The following PCBP3 variants were observed in gnomAD, a reference collection of about 807,000 sequenced individuals.
The protein encoded by PCBP3 is poly(rC) binding protein 3.
A neutral mutation model predicts 52.7 loss-of-function variants in PCBP3; 25 were observed. That is an observed-to-expected ratio of 0.47 (90% CI 0.35 to 0.66). PCBP3 has a LOEUF of 0.66. Ranked by LOEUF, PCBP3 falls within the 30% of genes least tolerant of loss-of-function variation. The pLI, the probability that PCBP3 is intolerant of heterozygous loss-of-function variation, is 0.01. For missense variants in PCBP3, 391 were observed against 490.3 expected, an observed-to-expected ratio of 0.80 and a Z score of 1.91; for synonymous variants, 162 against 183.0, an observed-to-expected ratio of 0.89 and a Z score of 0.93.
At chr21:45,689,902 C>G (rs2082362678) in intron 2 of PCBP3, among the ~76,000 whole-genome samples, 1 of 152,048 alleles carries the variant, frequency 6.6e-6, no homozygotes, top group African/African-American at 2.4e-5. Flanking sequence ...TGTGCACTGA[C>G]TGGAAGACTC....
At chr21:45,815,872 G>T in intron 4 of PCBP3, among the ~76,000 whole-genome samples, 1 of 118,714 alleles carries the variant, frequency 8.4e-6, no homozygotes, top group East Asian at 3.0e-4. Context: ...TGGTGAGTCA[G>T]TGGTGAGTGG....
intron 1 of PCBP3, among the ~76,000 whole-genome samples, chr21:45,644,801 T>A (rs1254221109): frequency 5.9e-5 from 9 of 152,202 alleles, no homozygotes; most frequent in Non-Finnish European, 4.4e-5. Flanking sequence ...ACTGGGCAAC[T>A]TATAGACTCC....
At chr21:45,733,831 C>T (rs571009055) in intron 2 of PCBP3, among the ~76,000 whole-genome samples, 59 of 152,270 alleles carry the variant, frequency 3.9e-4, no homozygotes, top group African/African-American at 1.3e-3. Flanking sequence ...GAACTCCTGA[C>T]CTCGAGTGAT....
rs183410994 is a variant in PCBP3 at position 45,901,400 on chromosome 21, G to A, written c.339+287G>A. The stretch of plus-strand genomic sequence containing the variant: ...GACCCTGCCCTGGGGCACCGAGCAC[G>A]GCCTCAGAACACCCCACCCTTCCCC... On this transcript the variant is annotated intron_variant, in intron 9 of 17. Transcript: ENST00000681687. The A allele has an allele frequency of 1.4e-4, 53 of 377,510 alleles. No individual in the cohort carries two copies. The Admixed American group carries it at 1.7e-3, about 12-fold the overall frequency. The allele number at this position is 377,510 out of a possible 1,614,324, so 23.4% of individuals were successfully genotyped here. A position where few individuals can be genotyped will look rare whatever the true frequency, so the allele number is the denominator to read the frequency against.
chr21:45,857,511 C>G (rs955154445), intron 5 of PCBP3, among the ~76,000 whole-genome samples: 2 of 152,168 alleles, frequency 1.3e-5, no homozygotes, highest in African/African-American at 4.8e-5. Context: ...TATAAATTAC[C>G]CAGCCTCAGG....
chr21:45,674,906 G>T (rs2081373612), intron 2 of PCBP3, among the ~76,000 whole-genome samples: 2 of 152,088 alleles, frequency 1.3e-5, no homozygotes, highest in Admixed American at 1.3e-4. Flanking sequence ...TGGCTCAGTT[G>T]GATATCCACA....
At position 45,821,702 on chromosome 21, in the gene PCBP3, C is replaced by T. The variant is rs1047428245; in HGVS notation, c.-125-28259C>T. Among the ~76,000 whole-genome samples, 2 of 152,170 alleles carry T rather than the reference C, an allele frequency of 1.3e-5. No homozygotes were observed. Among genetic ancestry groups the T allele is most frequent in the South Asian group, 2.1e-4 (1 of 4,830 alleles). The stretch of plus-strand genomic sequence containing the variant: ...GACATGTTGCAGCCTGTCTCTGCTC[C>T]CTTCCCTGCTCTTGTCACTTCTTGC... On this transcript the variant is annotated intron_variant, in intron 4 of 17. Transcript: ENST00000681687. The surrounding 1 kb of genome is among the most constrained non-coding windows in gnomAD (Gnocchi z 4.4).
intron 2 of PCBP3, among the ~76,000 whole-genome samples, chr21:45,716,515 G>T (rs769784535): frequency 6.6e-6 from 1 of 152,164 alleles, no homozygotes; most frequent in Admixed American, 6.5e-5. Flanking sequence ...GTTTGGAGAT[G>T]ACATCTTCTT....
At chr21:45,860,119 T>G (rs1017341445) in intron 5 of PCBP3, among the ~76,000 whole-genome samples, 1 of 152,130 alleles carries the variant, frequency 6.6e-6, no homozygotes, top group African/African-American at 2.4e-5. Context: ...AACCGAAGGC[T>G]CCAGCACGCA....
At chr21:45,894,091 G>C in intron 5 of PCBP3, 1 of 933,692 alleles carries the variant, frequency 1.1e-6, no homozygotes, top group Non-Finnish European at 1.3e-6. Context: ...CTGCAGCTCT[G>C]GGAGCTGCTG....
intron 4 of PCBP3, among the ~76,000 whole-genome samples, chr21:45,816,040 G>A (rs534966323): frequency 6.9e-6 from 1 of 144,036 alleles, no homozygotes; most frequent in Admixed American, 6.8e-5. Flanking sequence ...TGAGTGGTGA[G>A]TGAGTGGTGA....
chr21:45,884,719 C>G (rs1450857814), intron 5 of PCBP3, among the ~76,000 whole-genome samples: 1 of 152,128 alleles, frequency 6.6e-6, no homozygotes, highest in Non-Finnish European at 1.5e-5. Context: ...CACCACCACA[C>G]CCAGCTAATT....
chr21:45,682,357 A>G (rs998995076), intron 2 of PCBP3, among the ~76,000 whole-genome samples: 2 of 152,108 alleles, frequency 1.3e-5, no homozygotes, highest in Non-Finnish European at 2.9e-5. Flanking sequence ...CAGTGTTTTC[A>G]ATTATGCTTA....
chr21:45,899,853 C>T (rs979153643), intron 7 of PCBP3, among the ~76,000 whole-genome samples: 1 of 152,176 alleles, frequency 6.6e-6, no homozygotes, highest in African/African-American at 2.4e-5. Flanking sequence ...TCCAGCTGGT[C>T]ACCTCGCTGC....
Position 45,917,384 on chromosome 21 carries a change from C to T in PCBP3, c.676-204C>T, listed in dbSNP as rs906083160. On this transcript the variant is annotated intron_variant, in intron 12 of 17. Transcript: ENST00000681687. This position sits in a 1 kb window ranked among gnomAD's most constrained non-coding sequence, Gnocchi z 5.3. Reference sequence around the variant, plus strand: ...CTGAACTGGCCAGCTCAGCTCTGCCCGCCCAGAGGAAGTGGGTGCGGCTCC... The same window carrying T: ...CTGAACTGGCCAGCTCAGCTCTGCCTGCCCAGAGGAAGTGGGTGCGGCTCC... 9.1e-5 allele frequency: 46 copies of T among 503,458 alleles called. No individual in the cohort carries two copies. The highest frequency in any genetic ancestry group is 6.9e-4 in the East Asian group (20 of 28,972). 31.2% of individuals were successfully genotyped at this position (503,458 alleles called of 1,614,324 possible).
At chr21:45,700,943 T>A (rs2083086517) in intron 2 of PCBP3, among the ~76,000 whole-genome samples, 1 of 152,092 alleles carries the variant, frequency 6.6e-6, no homozygotes, top group South Asian at 2.1e-4. Flanking sequence ...GAGCGAAAAA[T>A]CATCTGCAGT....
chr21:45,941,913 C>T lies in PCBP3; in HGVS notation c.*207C>T. ...CTGCAGGCTCCGCCGAGTCCCCCCT[C>T]AGTGTTATTTTATTTATGACTTACG... On this transcript the variant is annotated 3_prime_UTR_variant, in exon 18 of 18. Coordinates refer to ENST00000681687, the MANE Select transcript of PCBP3 (RefSeq NM_001384156.1). The T allele has an allele frequency of 6.9e-6, 3 of 434,026 alleles. No homozygotes were observed. Among genetic ancestry groups the T allele is most frequent in the Non-Finnish European group, 8.1e-6 (2 of 246,554 alleles). 26.9% of individuals were successfully genotyped at this position (434,026 alleles called of 1,614,324 possible). A position where few individuals can be genotyped will look rare whatever the true frequency, so the allele number is the denominator to read the frequency against.
intron 1 of PCBP3, among the ~76,000 whole-genome samples, chr21:45,665,856 C>T (rs1169203114): frequency 6.6e-6 from 1 of 152,118 alleles, no homozygotes; most frequent in African/African-American, 2.4e-5. Context: ...GATGAAAATA[C>T]ATGCAGAAAT....
chr21:45,936,846 CAG>C (rs2076946607), intron 16 of PCBP3, among the ~76,000 whole-genome samples: 1 of 152,192 alleles, frequency 6.6e-6, no homozygotes, highest in Admixed American at 6.5e-5. Flanking sequence ...CTGGTTTTCC[CAG>C]CTCTTCATCA....
Sources: allele counts gnomAD v4.1 joint callset (sites outside exome capture counted in the v4.1 genomes callset), GRCh38; gene constraint gnomAD v4.1.1; non-coding constraint Gnocchi (gnomAD v3.1); transcripts MANE v1.5; gene names NCBI Gene and HGNC (gene_info 2026-07-23, HGNC 2026-07-21).